The following TENM1 variants were observed in gnomAD, a reference collection of about 807,000 sequenced individuals.
TENM1 encodes the protein teneurin-1.
A neutral mutation model predicts 174.8 loss-of-function variants in TENM1; 35 were observed. The observed-to-expected ratio is 0.20, with a 90% confidence interval of 0.15 to 0.27. The LOEUF (loss-of-function observed/expected upper bound fraction) is 0.27, where lower values mean the gene tolerates loss of function less well. TENM1 is among the 10% of genes least tolerant of loss of function. TENM1 has a pLI of 1.00. For missense variants in TENM1, 1,633 were observed against 2,130.1 expected, an observed-to-expected ratio of 0.77 and a Z score of 4.59; for synonymous variants, 781 against 798.7, an observed-to-expected ratio of 0.98 and a Z score of 0.37.
intron 14 of TENM1, among the ~76,000 whole-genome samples, chrX:124,548,484 T>G (rs769309884): frequency 8.1e-5 from 9 of 111,467 alleles, no homozygotes; most frequent in Non-Finnish European, 1.7e-4. Context: ...TTTAAGAGAG[T>G]TACATGCAAA....
chrX:124,421,465 A>G (rs541976558), intron 24 of TENM1, among the ~76,000 whole-genome samples: 1 of 112,283 alleles, frequency 8.9e-6, no homozygotes, highest in East Asian at 2.8e-4. Flanking sequence ...GGCAAAGGTT[A>G]AGAGAACCAT....
At chrX:124,841,831 C>T (rs1371908991) in intron 3 of TENM1, among the ~76,000 whole-genome samples, 1 of 111,543 alleles carries the variant, frequency 9.0e-6, no homozygotes, top group Non-Finnish European at 1.9e-5. Flanking sequence ...GGGGATTATA[C>T]GAATTCTGGA....
the TENM1 span, among the ~76,000 whole-genome samples, chrX:125,153,255 T>A: frequency 2.3e-3 from 255 of 111,799 alleles, no homozygotes; most frequent in African/African-American, 5.7e-3. Context: ...GAGATTTTTT[T>A]AAAAAATCAC....
At chrX:124,584,769 G>A (rs921163420) in intron 11 of TENM1, among the ~76,000 whole-genome samples, 1 of 111,320 alleles carries the variant, frequency 9.0e-6, no homozygotes, top group African/African-American at 3.3e-5. Context: ...AGATCCATCG[G>A]TGTGCTTTAT....
chrX:125,124,213 T>C, the TENM1 span, among the ~76,000 whole-genome samples: 3 of 112,663 alleles, frequency 2.7e-5, no homozygotes, highest in Non-Finnish European at 5.6e-5. Flanking sequence ...CTTATCTATG[T>C]GTTTCAACTT....
At chrX:124,387,643 T>C (rs1298683437) in intron 28 of TENM1, among the ~76,000 whole-genome samples, 1 of 112,698 alleles carries the variant, frequency 8.9e-6, no homozygotes. Context: ...CATTCTAATA[T>C]TGAATGTGCT....
At chrX:124,866,814 C>T (rs146982272) in intron 3 of TENM1, among the ~76,000 whole-genome samples, 264 of 110,992 alleles carry the variant, frequency 2.4e-3, no homozygotes, top group Non-Finnish European at 2.9e-3. Context: ...AAAAAGGACA[C>T]GTTACAACTT....
chrX:124,459,287 T>C (rs1260939192), intron 22 of TENM1, among the ~76,000 whole-genome samples: 4 of 111,685 alleles, frequency 3.6e-5, no homozygotes, highest in Non-Finnish European at 7.5e-5. Flanking sequence ...TACTAAACAA[T>C]AATCATTTCC....
At chrX:124,451,119 G>A (rs2061030777) in intron 23 of TENM1, among the ~76,000 whole-genome samples, 1 of 111,347 alleles carries the variant, frequency 9.0e-6, no homozygotes, top group Non-Finnish European at 1.9e-5. Flanking sequence ...TTCATTTCTT[G>A]TTTCTGCAGA....
intron 3 of TENM1, among the ~76,000 whole-genome samples, chrX:124,838,433 GAT>G (rs1465236422): frequency 8.9e-6 from 1 of 111,744 alleles, no homozygotes; most frequent in Admixed American, 9.5e-5. Context: ...GATTAGAAAA[GAT>G]AAAGTGAAAA....
the TENM1 span, among the ~76,000 whole-genome samples, chrX:125,139,453 G>A: frequency 1.8e-5 from 2 of 111,483 alleles, no homozygotes; most frequent in East Asian, 2.8e-4. Flanking sequence ...AGAAGGCAAG[G>A]GGTGGTGTCT....
At chrX:124,582,663 G>A (rs1243898298) in intron 11 of TENM1, among the ~76,000 whole-genome samples, 1 of 111,970 alleles carries the variant, frequency 8.9e-6, no homozygotes, top group Non-Finnish European at 1.9e-5. Context: ...CATCTCACTA[G>A]GGAGTGCCAG....
At chrX:125,177,063 A>G in the TENM1 span, among the ~76,000 whole-genome samples, 1 of 111,711 alleles carries the variant, frequency 9.0e-6, no homozygotes, top group African/African-American at 3.2e-5. Context: ...AAATTAAGAA[A>G]GGCATTGAAA....
intron 4 of TENM1, among the ~76,000 whole-genome samples, chrX:124,718,123 T>C (rs747491481): frequency 8.9e-6 from 1 of 112,172 alleles, no homozygotes; most frequent in African/African-American, 3.2e-5. Context: ...CCTTGTAAGC[T>C]TTTTGCAAAG....
the TENM1 span, among the ~76,000 whole-genome samples, chrX:125,138,575 T>C: frequency 2.1e-4 from 23 of 111,517 alleles, no homozygotes; most frequent in African/African-American, 7.2e-4. Flanking sequence ...GTTGAAAGAA[T>C]AGAAACTGTA....
chrX:124,802,544 G>T (rs2055483603), intron 3 of TENM1, among the ~76,000 whole-genome samples: 1 of 110,736 alleles, frequency 9.0e-6, no homozygotes, highest in Non-Finnish European at 1.9e-5. Context: ...GGGGGCTGGG[G>T]GCTCCCTTGC....
the TENM1 span, among the ~76,000 whole-genome samples, chrX:124,987,075 G>A: frequency 1.1e-4 from 12 of 111,403 alleles, no homozygotes; most frequent in South Asian, 3.8e-4. Flanking sequence ...GGTCTCTGGC[G>A]TGCTCGGAGT....
the TENM1 span, among the ~76,000 whole-genome samples, chrX:125,014,977 G>C: frequency 9.0e-6 from 1 of 111,193 alleles, no homozygotes; most frequent in African/African-American, 3.3e-5. Context: ...AAGACTCTGG[G>C]GAAGGGATTC....
chrX:124,614,526 G>T (rs911796687), intron 11 of TENM1, among the ~76,000 whole-genome samples: 3 of 112,097 alleles, frequency 2.7e-5, no homozygotes, highest in African/African-American at 9.7e-5. Flanking sequence ...GGAGATAGGA[G>T]GAGAGGAGCC....
Sources: gnomAD v4.1 joint callset for allele counts (sites outside exome capture counted in the v4.1 genomes callset) on GRCh38, gnomAD v4.1.1 for gene constraint, MANE v1.5 for transcripts, NCBI Gene and HGNC (gene_info 2026-07-23, HGNC 2026-07-21) for gene names.